RIF1: variants seen among roughly 807,000 people sequenced by gnomAD.
The protein encoded by RIF1 is replication timing regulatory factor 1.
Under a neutral mutation model 247.1 loss-of-function variants are expected in RIF1, and 45 were observed. The observed-to-expected ratio is 0.18, with a 90% CI of 0.14 to 0.23. The LOEUF (loss-of-function observed/expected upper bound fraction) is 0.23, where lower values mean the gene tolerates loss of function less well. Among genes scored for constraint, RIF1 ranks in the 10% least tolerant of loss-of-function variants. The pLI, the probability that RIF1 is intolerant of heterozygous loss-of-function variation, is 1.00. For synonymous variants in RIF1, 1,087 were observed against 978.8 expected, an observed-to-expected ratio of 1.11 and a Z score of -2.06; for missense variants, 2,967 against 2,862.5, an observed-to-expected ratio of 1.04 and a Z score of -0.83.
the RIF1 span, among the ~76,000 whole-genome samples, chr2:151,521,140 G>A: frequency 6.6e-6 from 1 of 152,078 alleles, no homozygotes; most frequent in Non-Finnish European, 1.5e-5. Context: ...TACCCCTCAT[G>A]GTTCATCACT....
intron 11 of RIF1, among the ~76,000 whole-genome samples, chr2:151,502,388 A>ACAT (rs2065344892): frequency 8.5e-5 from 2 of 23,406 alleles, no homozygotes; most frequent in Non-Finnish European, 2.1e-4. Context: ...ATCTAAACAT[A>ACAT]AAAAAAAAAA....
In RIF1 at chr2:151,475,903, T is replaced by C. The variant is rs1196297194; in HGVS notation, c.*832T>C. ...TTTGTATATATTAAATACTGAAATA[T>C]CAGTATCGACGGTGGAAGTGCTTCA... On this transcript the variant is annotated 3_prime_UTR_variant, in exon 36 of 36. Transcript: ENST00000444746. 2 of 152,624 alleles carry C rather than the reference T, an allele frequency of 1.3e-5. No individual in the cohort carries two copies. The highest frequency in any genetic ancestry group is 2.4e-5 in the African/African-American group (1 of 41,456). The allele number at this position is 152,624 out of a possible 1,614,324, so 9.5% of individuals were successfully genotyped here.
At chr2:151,501,038 A>ATCTTT (rs2064079426) in intron 11 of RIF1, among the ~76,000 whole-genome samples, 1 of 152,206 alleles carries the variant, frequency 6.6e-6, no homozygotes, top group Non-Finnish European at 1.5e-5. Context: ...CAAGTCCAGT[A>ATCTTT]TCTTTTCTTG....
intron 34 of RIF1, 126 bp from the exon 35 acceptor site, chr2:151,473,838 T>C (rs1354053732): frequency 1.5e-6 from 1 of 658,710 alleles, no homozygotes; most frequent in Non-Finnish European, 2.7e-6. Flanking sequence ...TTAATTGTGA[T>C]GGGTGGTAGA....
chr2:151,512,391 TCA>T (rs1239471919), downstream of RIF1, among the ~76,000 whole-genome samples: 2 of 151,574 alleles, frequency 1.3e-5, no homozygotes, highest in Non-Finnish European at 2.9e-5. Context: ...AGTGGTGCAG[TCA>T]CAGCTGACTG....
chr2:151,524,386 T>C, the RIF1 span: 1 of 1,614,006 alleles, frequency 6.2e-7, no homozygotes, highest in South Asian at 1.1e-5. Flanking sequence ...CATGGCTGCC[T>C]TCCTTGCGGT....
At chr2:151,501,481 T>C (rs2064492118) in intron 11 of RIF1, 1 of 1,484,194 alleles carries the variant, frequency 6.7e-7, no homozygotes, top group East Asian at 2.5e-5. Context: ...CTTTGTACAA[T>C]ATCTGTGTGC....
chr2:151,422,123 C>T (rs1688288447), intron 7 of RIF1, among the ~76,000 whole-genome samples: 1 of 152,128 alleles, frequency 6.6e-6, no homozygotes, highest in Non-Finnish European at 1.5e-5. Flanking sequence ...AGCCACTGCG[C>T]CTGACCATAA....
Position 151,463,163 on chromosome 2 carries a change from A to C in RIF1, c.3643A>C (p.Thr1215Pro), listed in dbSNP as rs371962016. Residue 1215 changes from threonine to proline, a missense_variant, in exon 30 of 36, where the codon ACA (threonine) becomes CCA (proline). Physicochemically the swap from Thr to Pro is conservative, Grantham distance 38 (BLOSUM62 -1). Around this residue, in one of 7 missense-constraint regions of RIF1, gnomAD observed 2,028 missense variants for 1,825.6 expected, o/e 1.11. Transcript: ENST00000444746. The part of the protein sequence containing the change: ...TTVAGTPPYP[T>P]SRRQTFITLE... ...TGTTGCTGGAACTCCCCCATACCCT[A>C]CAAGTCGGAGGCAAACCTTTATTAC... is the stretch of plus-strand genomic sequence containing the variant. 1.2e-6 allele frequency: 2 copies of C among 1,614,148 alleles called. No homozygotes were observed. The highest frequency in any genetic ancestry group is 4.5e-5 in the East Asian group (2 of 44,878).
intron 30 of RIF1, 108 bp downstream of exon 30, chr2:151,466,228 C>T (rs1696850273): frequency 7.6e-6 from 5 of 660,766 alleles, no homozygotes; most frequent in Non-Finnish European, 1.3e-5. Flanking sequence ...TATGGCCACT[C>T]ATTTGATTAT....
rs760411863 is a variant in RIF1 at position 151,428,819 on chromosome 2, C to A, written c.822C>A (p.Leu274=). 1.9e-6 allele frequency: 3 copies of A among 1,600,478 alleles called. No homozygotes were observed. Among genetic ancestry groups the A allele is most frequent in the African/African-American group, 1.3e-5 (1 of 74,714 alleles). The change falls in exon 9 of 36, where the codon CTC becomes CTA. Residue 274 remains leucine (L), a synonymous_variant. Transcript: ENST00000444746. ...LHRSGSFINS[L]LQLEELGFRS... ...GAAGTGGGAGTTTCATCAATTCTCT[C>A]TTGCAACTAGAAGAACTTGGATTTC...
At chr2:151,490,396 C>A in intron 9 of RIF1, 1 of 1,592,576 alleles carries the variant, frequency 6.3e-7, no homozygotes, top group Non-Finnish European at 8.6e-7. Context: ...AAGACACCCC[C>A]GTCGCTGTAA....
downstream of RIF1, chr2:151,485,566 G>T: frequency 2.3e-6 from 1 of 438,738 alleles, no homozygotes. Flanking sequence ...AAATAATATT[G>T]CAGAAGCTTT....
chr2:151,459,033 G>T, intron 25 of RIF1, 123 bp downstream of exon 25: 1 of 582,634 alleles, frequency 1.7e-6, no homozygotes, highest in East Asian at 3.0e-5. Context: ...CACATTGTCA[G>T]TGGTGTGGCC....
At chr2:151,425,926 G>A (rs1377298760) in intron 8 of RIF1, among the ~76,000 whole-genome samples, 2 of 151,010 alleles carry the variant, frequency 1.3e-5, no homozygotes, top group South Asian at 2.1e-4. Flanking sequence ...AGATCCACCC[G>A]CCTCGACCTC....
At chr2:151,445,183 A>G (rs939189414) in intron 18 of RIF1, among the ~76,000 whole-genome samples, 155 bp from the exon 19 acceptor site, 2 of 152,238 alleles carry the variant, frequency 1.3e-5, no homozygotes, top group Admixed American at 1.3e-4. Context: ...AAATAAGACT[A>G]CATGCGTAGG....
chr2:151,506,546 C>G (rs563754609), intron 13 of RIF1, among the ~76,000 whole-genome samples: 1 of 152,232 alleles, frequency 6.6e-6, no homozygotes, highest in African/African-American at 2.4e-5. Context: ...AAACCCTCCC[C>G]ATATGTAACA....
rs2049179201 is a variant in RIF1 at position 151,481,816 on chromosome 2, G to A, written c.*6745G>A. ...GTGAACTGCACATGCAAGAGATCTA[G>A]GTTGTGCGCTCATTATGAGAATCTA... On this transcript the variant is annotated 3_prime_UTR_variant, in exon 36 of 36. Coordinates refer to ENST00000444746, the MANE Select transcript of RIF1 (RefSeq NM_018151.5). The A allele has an allele frequency of 1.3e-5, 2 of 152,238 alleles. No individual in the cohort carries two copies. The highest frequency in any genetic ancestry group is 2.9e-5 in the Non-Finnish European group (2 of 68,054). The allele number at this position is 152,238 out of a possible 1,614,324, so 9.4% of individuals were successfully genotyped here.
intron 10 of RIF1, chr2:151,499,158 T>C (rs1454561754): frequency 1.2e-5 from 6 of 502,710 alleles, no homozygotes; most frequent in Middle Eastern, 5.3e-4. Flanking sequence ...AACTGATTCA[T>C]AGGAAATGGC....
Sources: gnomAD v4.1 joint callset for allele counts (sites outside exome capture counted in the v4.1 genomes callset) on GRCh38, gnomAD v4.1.1 for gene constraint, gnomAD v4.1.1 regional missense constraint, MANE v1.5 for transcripts, NCBI Gene and HGNC (gene_info 2026-07-23, HGNC 2026-07-21) for gene names.